GARIN2: variants seen among roughly 807,000 people sequenced by gnomAD.
The protein encoded by GARIN2 is golgi associated RAB2 interactor family member 2.
the GARIN2 span, among the ~76,000 whole-genome samples, chr14:67,224,200 C>T: frequency 6.6e-6 from 1 of 151,392 alleles, no homozygotes; most frequent in Non-Finnish European, 1.5e-5. Context: ...CAACTTTATG[C>T]ATGAAATAGG....
chr14:67,210,144 A>G, the GARIN2 span, among the ~76,000 whole-genome samples: 1 of 152,240 alleles, frequency 6.6e-6, no homozygotes, highest in Non-Finnish European at 1.5e-5. Flanking sequence ...CAAAGGGGAA[A>G]ATAACTTATT....
chr14:67,192,881 TATATCTAGATATCG>T, the GARIN2 span, among the ~76,000 whole-genome samples: 2 of 146,608 alleles, frequency 1.4e-5, no homozygotes, highest in Non-Finnish European at 3.0e-5. Flanking sequence ...TATATAGATA[TATATCTAGATATCG>T]ATATCTAGAT....
chr14:67,226,404 A>C, the GARIN2 span, among the ~76,000 whole-genome samples: 3 of 152,068 alleles, frequency 2.0e-5, no homozygotes, highest in African/African-American at 7.2e-5. Context: ...CTCTGTCACC[A>C]GGCTGGAGTG....
chr14:67,199,242 T>G, the GARIN2 span: 1 of 1,602,524 alleles, frequency 6.2e-7, no homozygotes, highest in Non-Finnish European at 8.6e-7. Context: ...CTTTGTGAAT[T>G]CTTGAGTGAG....
At chr14:67,201,569 G>C in the GARIN2 span, 10 of 454,908 alleles carry the variant, frequency 2.2e-5, no homozygotes, top group Non-Finnish European at 3.5e-5. Context: ...CCTCCTGTAT[G>C]TCTTGCTGGT....
At chr14:67,203,110 A>C in the GARIN2 span, 1 of 1,613,006 alleles carries the variant, frequency 6.2e-7, no homozygotes, top group East Asian at 2.2e-5. Context: ...AGAAGAGGTG[A>C]ATCCATTTAC....
the GARIN2 span, chr14:67,227,673 A>G: frequency 6.6e-6 from 1 of 152,306 alleles, no homozygotes; most frequent in South Asian, 2.1e-4. Context: ...TGTAGGTCTT[A>G]TGACCAAATC....
chr14:67,222,180 C>T, the GARIN2 span, among the ~76,000 whole-genome samples: 12 of 152,146 alleles, frequency 7.9e-5, no homozygotes, highest in African/African-American at 2.9e-4. Context: ...TGATATATAA[C>T]GGGAATGGTC....
the GARIN2 span, chr14:67,199,601 G>C: frequency 1.3e-6 from 2 of 1,590,536 alleles, no homozygotes; most frequent in African/African-American, 2.7e-5. Flanking sequence ...CTTCGAGAAG[G>C]ACTCCAAGGG....
the GARIN2 span, among the ~76,000 whole-genome samples, chr14:67,213,797 C>T: frequency 1.3e-5 from 2 of 152,152 alleles, no homozygotes; most frequent in Non-Finnish European, 2.9e-5. Flanking sequence ...TAAAAGTGTT[C>T]CTATTTCTCC....
chr14:67,215,540 G>A, the GARIN2 span, among the ~76,000 whole-genome samples: 1 of 151,620 alleles, frequency 6.6e-6, no homozygotes, highest in Admixed American at 6.6e-5. Flanking sequence ...ACAGGAGAGA[G>A]TGAGAGTAAA....
At chr14:67,225,999 A>C in the GARIN2 span, among the ~76,000 whole-genome samples, 1 of 148,848 alleles carries the variant, frequency 6.7e-6, no homozygotes, top group African/African-American at 2.5e-5. Flanking sequence ...GCATGCTCAT[A>C]AGGGCTGAGT....
chr14:67,193,320 CTATA>C, the GARIN2 span, among the ~76,000 whole-genome samples: 3 of 136,790 alleles, frequency 2.2e-5, no homozygotes, highest in African/African-American at 5.3e-5. Context: ...ATATAGATAT[CTATA>C]TATCTCTATA....
At chr14:67,198,414 G>C in the GARIN2 span, 1 of 1,216,424 alleles carries the variant, frequency 8.2e-7, no homozygotes, top group South Asian at 1.4e-5. Flanking sequence ...TGTTTTAAAT[G>C]TGCCGAGGGA....
chr14:67,227,323 C>G, the GARIN2 span: 3 of 151,672 alleles, frequency 2.0e-5, no homozygotes. Context: ...GACTGTAGTC[C>G]CAGCTACTCA....
At chr14:67,195,233 T>C in the GARIN2 span, among the ~76,000 whole-genome samples, 1 of 152,186 alleles carries the variant, frequency 6.6e-6, no homozygotes, top group African/African-American at 2.4e-5. Context: ...TAACCTCAAC[T>C]TTGTTCAAAA....
the GARIN2 span, chr14:67,204,729 G>A: frequency 1.2e-6 from 2 of 1,613,964 alleles, no homozygotes; most frequent in Non-Finnish European, 1.7e-6. Context: ...TTTCCAAAGT[G>A]TCGGAGGTTT....
the GARIN2 span, among the ~76,000 whole-genome samples, chr14:67,215,007 C>T: frequency 6.6e-6 from 1 of 152,114 alleles, no homozygotes; most frequent in African/African-American, 2.4e-5. Context: ...GATTTTTGCA[C>T]ATTGATTTTG....
At chr14:67,195,607 T>C in the GARIN2 span, among the ~76,000 whole-genome samples, 1 of 152,164 alleles carries the variant, frequency 6.6e-6, no homozygotes, top group Non-Finnish European at 1.5e-5. Flanking sequence ...GACTACTGCA[T>C]CTCCTCAAAT....
Sources: allele counts gnomAD v4.1 joint callset (sites outside exome capture counted in the v4.1 genomes callset), GRCh38; gene constraint gnomAD v4.1.1; transcripts MANE v1.5; gene names NCBI Gene and HGNC (gene_info 2026-07-23, HGNC 2026-07-21).